Variants in FARP1 observed in about 807,000 individuals in gnomAD.
The protein encoded by FARP1 is FERM, ARHGEF and pleckstrin domain-containing protein 1.
FARP1 carries 52 observed loss-of-function variants against 128.8 expected under a neutral mutation model. The observed-to-expected ratio is 0.40, with a 90% CI of 0.32 to 0.51. The LOEUF is 0.51. Among genes scored for constraint, FARP1 ranks in the 20% least tolerant of loss-of-function variants. The pLI, the probability that FARP1 is intolerant of heterozygous loss-of-function variation, is 0.45. For missense variants in FARP1, 1,333 were observed against 1,367.9 expected (o/e 0.97, Z 0.40); for synonymous variants, 580 against 551.8 (o/e 1.05, Z -0.72).
chr13:98,390,803 C>G lies in FARP1; in HGVS notation c.1020-9C>G, dbSNP rs762033966. The G allele has an allele frequency of 4.3e-6, 7 of 1,609,476 alleles. No homozygotes were observed. The highest frequency in any genetic ancestry group is 6.0e-6 in the Non-Finnish European group (7 of 1,176,040). On this transcript the variant is annotated splice_polypyrimidine_tract_variant and intron_variant, in intron 10 of 26. Coordinates refer to ENST00000319562, the MANE Select transcript of FARP1 (RefSeq NM_005766.4). ...TTTCTCCCCTTCCCTGTTGTGGTCT[C>G]TGTTTCAGTGGTCGGACTCAGAAGC...
intron 2 of FARP1, among the ~76,000 whole-genome samples, chr13:98,268,544 T>G (rs1306291953): frequency 6.6e-6 from 1 of 152,228 alleles, no homozygotes; most frequent in Non-Finnish European, 1.5e-5. Flanking sequence ...CTCAGCTCAC[T>G]GCAACCTCCA....
At chr13:98,430,127 G>A (rs756655187) in intron 17 of FARP1, among the ~76,000 whole-genome samples, 8 of 151,880 alleles carry the variant, frequency 5.3e-5, no homozygotes, top group African/African-American at 1.5e-4. Context: ...GGTGGCTCAA[G>A]CCTGCAGTCC....
chr13:98,320,046 G>A (rs766753944), intron 2 of FARP1, among the ~76,000 whole-genome samples: 8 of 152,152 alleles, frequency 5.3e-5, no homozygotes, highest in Non-Finnish European at 8.8e-5. Flanking sequence ...GTGAGGTTAC[G>A]TGAGCCAGGC....
chr13:98,217,303 C>T (rs570716795), intron 2 of FARP1, among the ~76,000 whole-genome samples: 2 of 152,066 alleles, frequency 1.3e-5, no homozygotes, highest in Admixed American at 6.5e-5. Flanking sequence ...GGAAGATGCT[C>T]ACAGGTGACA....
chr13:98,427,169 A>G (rs563011830), intron 17 of FARP1, among the ~76,000 whole-genome samples: 79 of 152,054 alleles, frequency 5.2e-4, no homozygotes, highest in Non-Finnish European at 8.4e-4. Flanking sequence ...GGCTCCACCT[A>G]TTCATCCCCC....
At chr13:98,291,730 C>T (rs1391433765) in intron 2 of FARP1, among the ~76,000 whole-genome samples, 1 of 152,218 alleles carries the variant, frequency 6.6e-6, no homozygotes, top group Non-Finnish European at 1.5e-5. Context: ...CCCTCCCCAC[C>T]TTCTCATCAC....
At position 98,400,746 on chromosome 13, in the gene FARP1, C is replaced by G. The variant is rs185330737; in HGVS notation, c.1414+5270C>G. 6 of 152,326 alleles carry G rather than the reference C, an allele frequency of 3.9e-5. No individual in the cohort carries two copies. In the East Asian group the frequency reaches 7.7e-4, roughly 20 times the overall value. 9.4% of individuals were successfully genotyped at this position (152,326 alleles called of 1,614,324 possible). A position where few individuals can be genotyped will look rare whatever the true frequency, so the allele number is the denominator to read the frequency against. On this transcript the variant is annotated intron_variant, in intron 13 of 26. Coordinates refer to ENST00000319562, the MANE Select transcript of FARP1 (RefSeq NM_005766.4). ...TCTCTTTTATGGTCTGTAAACATTT[C>G]TCCTCTGATGGTCATGGACTTAGTT...
intron 5 of FARP1, among the ~76,000 whole-genome samples, chr13:98,373,161 A>C (rs1471586887): frequency 6.6e-6 from 1 of 152,204 alleles, no homozygotes; most frequent in Non-Finnish European, 1.5e-5. Flanking sequence ...GTGTGTTTTC[A>C]GAACCTGATG....
intron 2 of FARP1, among the ~76,000 whole-genome samples, chr13:98,295,039 TA>T (rs1885602775): frequency 2.1e-5 from 3 of 142,842 alleles, no homozygotes; most frequent in African/African-American, 7.9e-5. Flanking sequence ...ATTATATATA[TA>T]TATATTACAC....
chr13:98,277,148 A>ACACACACACACACACACACACACC (rs372627844), intron 2 of FARP1, among the ~76,000 whole-genome samples: 65 of 138,646 alleles, frequency 4.7e-4, no homozygotes, highest in South Asian at 1.2e-3. Flanking sequence ...ACACACACAC[A>ACACACACACACACACACACACACC]CCCCATATGT....
chr13:98,224,919 C>T (rs533555665), intron 2 of FARP1, among the ~76,000 whole-genome samples: 2 of 152,292 alleles, frequency 1.3e-5, no homozygotes, highest in East Asian at 3.9e-4. Context: ...ATCCTTTTTA[C>T]CTCCCGACTG....
At chr13:98,188,343 G>GGA (rs1244630132) in intron 1 of FARP1, among the ~76,000 whole-genome samples, 1 of 152,126 alleles carries the variant, frequency 6.6e-6, no homozygotes, top group Non-Finnish European at 1.5e-5. Context: ...CACGAGGTCA[G>GGA]GAGTTCGAGA....
In FARP1 at chr13:98,435,958, C is replaced by T. The variant is rs1211272101; in HGVS notation, c.2274+252C>T. On this transcript the variant is annotated intron_variant, in intron 19 of 26. Transcript: ENST00000319562. Reference sequence around the variant, plus strand: ...GGGGTGATTCGCTTCTTTACCTTTTCCCCTACCATATCCCACAGAAGATTT... The same window carrying T: ...GGGGTGATTCGCTTCTTTACCTTTTTCCCTACCATATCCCACAGAAGATTT... The T allele has an allele frequency of 2.7e-5, 15 of 548,478 alleles. No individual in the cohort carries two copies. The Admixed American group carries it at 3.6e-4, about 13-fold the overall frequency. 34.0% of individuals were successfully genotyped at this position (548,478 alleles called of 1,614,324 possible). A position where few individuals can be genotyped will look rare whatever the true frequency, so the allele number is the denominator to read the frequency against.
At chr13:98,375,787 C>T (rs1327240159) in intron 5 of FARP1, among the ~76,000 whole-genome samples, 1 of 152,068 alleles carries the variant, frequency 6.6e-6, no homozygotes, top group Non-Finnish European at 1.5e-5. Context: ...CATCACCACA[C>T]CCGGCTAATT....
At chr13:98,317,188 C>T (rs766654855) in intron 2 of FARP1, among the ~76,000 whole-genome samples, 46 of 152,036 alleles carry the variant, frequency 3.0e-4, no homozygotes, top group Non-Finnish European at 5.0e-4. Flanking sequence ...ATTGCAGGTA[C>T]CAGAGAGAGA....
At chr13:98,308,809 C>T (rs1886308530) in intron 2 of FARP1, among the ~76,000 whole-genome samples, 1 of 151,946 alleles carries the variant, frequency 6.6e-6, no homozygotes, top group Non-Finnish European at 1.5e-5. Flanking sequence ...GCTGGTACCA[C>T]AGGCATGCCA....
At chr13:98,279,920 C>T (rs753190653) in intron 2 of FARP1, among the ~76,000 whole-genome samples, 8 of 152,098 alleles carry the variant, frequency 5.3e-5, no homozygotes, top group African/African-American at 1.7e-4. Context: ...GTCTCCCCCA[C>T]GTTCTCCGCT....
chr13:98,151,439 G>A (rs2139091283), intron 1 of FARP1, among the ~76,000 whole-genome samples: 1 of 152,098 alleles, frequency 6.6e-6, no homozygotes, highest in East Asian at 1.9e-4. Flanking sequence ...TAGTTTCTGG[G>A]CCAAAGAGCA....
In FARP1 at chr13:98,143,131, G is replaced by C. The variant is rs867394662; in HGVS notation, c.-385G>C. ...CGCCGGCCTCAGAGGCGGCGGGTCC[G>C]GCGCGGGCGCAGCGGTGCGGGCGCT... On this transcript the variant is annotated 5_prime_UTR_variant, in exon 1 of 27. Transcript: ENST00000319562. 6,212 of 147,798 alleles carry C rather than the reference G, an allele frequency of 0.042. 358 individuals are homozygous for C. The highest frequency in any genetic ancestry group is 0.13 in the African/African-American group (5,414 of 41,094). 9.2% of individuals were successfully genotyped at this position (147,798 alleles called of 1,614,324 possible). A position where few individuals can be genotyped will look rare whatever the true frequency, so the allele number is the denominator to read the frequency against.
Sources: gnomAD v4.1 joint callset for allele counts (sites outside exome capture counted in the v4.1 genomes callset) on GRCh38, gnomAD v4.1.1 for gene constraint, MANE v1.5 for transcripts, NCBI Gene and HGNC (gene_info 2026-07-23, HGNC 2026-07-21) for gene names.